Variants in GTF2A1 observed in about 807,000 individuals in gnomAD.
GTF2A1 encodes general transcription factor IIA subunit 1, also known as transcription initiation factor IIA subunit 1.
A neutral mutation model predicts 54.1 loss-of-function variants in GTF2A1; 12 were observed. That is an observed-to-expected ratio of 0.22 (90% confidence interval 0.14 to 0.36). The LOEUF (loss-of-function observed/expected upper bound fraction) is 0.36, where lower values mean the gene tolerates loss of function less well. Among genes scored for constraint, GTF2A1 ranks in the 10% least tolerant of loss-of-function variants. GTF2A1 has a pLI of 1.00. For missense variants in GTF2A1, 335 were observed against 442.2 expected (o/e 0.76, Z 2.17); for synonymous variants, 145 against 152.0 (o/e 0.95, Z 0.34).
At position 81,177,350 on chromosome 14, in the gene GTF2A1, AAATT is replaced by A. The variant is rs1595201538; in HGVS notation, c.*2869_*2872del. 1 of 152,154 alleles carries A rather than the reference AAATT, an allele frequency of 6.6e-6. No homozygotes were observed. Among genetic ancestry groups the A allele is most frequent in the African/African-American group, 2.4e-5 (1 of 41,460 alleles). 9.4% of individuals were successfully genotyped at this position (152,154 alleles called of 1,614,324 possible). On this transcript the variant is annotated 3_prime_UTR_variant, in exon 9 of 9. Transcript: ENST00000553612. ...TCACATAACAGACATTTTACTCTAG[AAATT>A]AATTGCACATTAAAGAGTTGTTTTA...
intron 2 of GTF2A1, among the ~76,000 whole-genome samples, chr14:81,205,438 T>A (rs1566858742): frequency 6.6e-6 from 1 of 152,250 alleles, no homozygotes; most frequent in Admixed American, 6.5e-5. Context: ...TAGACTTACC[T>A]GAAGTCTATT....
At chr14:81,218,793 T>TAA (rs1349002821) in intron 1 of GTF2A1, among the ~76,000 whole-genome samples, 1 of 150,792 alleles carries the variant, frequency 6.6e-6, no homozygotes, top group Non-Finnish European at 1.5e-5. Context: ...AAGTTCTACT[T>TAA]AGATTTTTTT....
rs1234888860 is a variant in GTF2A1, at chr14:81,220,673, G to A, written c.-155C>T. ...CAAAATCAATCCTGAAGGAGTAGGG[G>A]AGAGCGGAGAGAGGAGGAGGAGGGG... On this transcript the variant is annotated 5_prime_UTR_variant, in exon 1 of 9. Transcript: ENST00000553612. 6.7e-6 allele frequency: 3 copies of A among 450,470 alleles called. No individual in the cohort carries two copies. Among genetic ancestry groups the A allele is most frequent in the African/African-American group, 2.1e-5 (1 of 48,432 alleles). 27.9% of individuals were successfully genotyped at this position (450,470 alleles called of 1,614,324 possible). A position where few individuals can be genotyped will look rare whatever the true frequency, so the allele number is the denominator to read the frequency against.
chr14:81,207,705 T>G (rs1027888179), intron 2 of GTF2A1, among the ~76,000 whole-genome samples: 1 of 152,148 alleles, frequency 6.6e-6, no homozygotes, highest in African/African-American at 2.4e-5. Flanking sequence ...ATGCTGATAG[T>G]GATATGAACA....
intron 3 of GTF2A1, 80 bp from the exon 4 acceptor site, chr14:81,201,738 T>C (rs960877595): frequency 2.2e-6 from 2 of 928,440 alleles, no homozygotes; most frequent in South Asian, 2.8e-5. Context: ...CATACAATGA[T>C]GAAAACTTTT....
intron 8 of GTF2A1, among the ~76,000 whole-genome samples, chr14:81,183,285 G>A (rs961244166): frequency 2.1e-4 from 32 of 152,044 alleles, no homozygotes; most frequent in African/African-American, 5.8e-4. Context: ...TTCTACAAAC[G>A]TGTATACAAA....
At chr14:81,221,228 A>G (rs1421495679), upstream of GTF2A1, 3 of 152,274 alleles carry the variant, frequency 2.0e-5, no homozygotes, top group African/African-American at 7.2e-5. Context: ...AGAACTTGCA[A>G]AGCGTTGCTG....
At chr14:81,219,252 C>T (rs1035645627) in intron 1 of GTF2A1, among the ~76,000 whole-genome samples, 34 of 152,298 alleles carry the variant, frequency 2.2e-4, no homozygotes, top group African/African-American at 7.7e-4. Flanking sequence ...CAGCCCGCGA[C>T]GGGTGCGAAA....
At position 81,216,419 on chromosome 14, in the gene GTF2A1, T is replaced by C. The variant is rs1214225621; in HGVS notation, c.126A>G (p.Leu42=). ...DGVDEQVLME[L]KTLWENKLMQ... Reference sequence around the variant, plus strand: ...AAAAAAAAGACAAACTCACAGTTTTTAGTTCCATCAGTACTTGTTCATCCA... The same window carrying C: ...AAAAAAAAGACAAACTCACAGTTTTCAGTTCCATCAGTACTTGTTCATCCA... Residue 42 remains leucine, a synonymous_variant, in exon 2 of 9, where the codon CTA becomes CTG. Coordinates refer to ENST00000553612, the MANE Select transcript of GTF2A1 (RefSeq NM_015859.4). 1.5e-6 allele frequency: 2 copies of C among 1,334,778 alleles called. No individual in the cohort carries two copies. The highest frequency in any genetic ancestry group is 2.1e-6 in the Non-Finnish European group (2 of 933,136). 82.7% of individuals were successfully genotyped at this position (1,334,778 alleles called of 1,614,324 possible).
intron 1 of GTF2A1, among the ~76,000 whole-genome samples, chr14:81,218,649 T>C (rs1595234567): frequency 6.6e-6 from 1 of 152,082 alleles, no homozygotes; most frequent in South Asian, 2.1e-4. Context: ...AACTGGTAAA[T>C]CAGAGGGCCA....
intron 2 of GTF2A1, among the ~76,000 whole-genome samples, chr14:81,211,898 T>TATATATATATATATATAC (rs1566861054): frequency 7.1e-6 from 1 of 140,810 alleles, no homozygotes; most frequent in African/African-American, 2.7e-5. Flanking sequence ...TATATATATA[T>TATATATATATATATATAC]ATATATATAT....
At position 81,178,252 on chromosome 14, in the gene GTF2A1, G is replaced by A. The variant is rs1892567900; in HGVS notation, c.*1971C>T. ...ACTGCAGCACTGCTGAATTTTTATAGGTAGTTCAGGTCACTGACTTCCTTA... is the reference window on the plus strand; with the variant it reads ...ACTGCAGCACTGCTGAATTTTTATAAGTAGTTCAGGTCACTGACTTCCTTA... On this transcript the variant is annotated 3_prime_UTR_variant, in exon 9 of 9. Coordinates refer to ENST00000553612, the MANE Select transcript of GTF2A1 (RefSeq NM_015859.4). 6.6e-6 allele frequency: 1 copy of A among 151,892 alleles called. No individual in the cohort carries two copies. Among genetic ancestry groups the A allele is most frequent in the South Asian group, 2.1e-4 (1 of 4,816 alleles). 9.4% of individuals were successfully genotyped at this position (151,892 alleles called of 1,614,324 possible).
Position 81,202,559 on chromosome 14 carries a change from A to G in GTF2A1, c.338-901T>C, listed in dbSNP as rs1446802590. 3 of 445,016 alleles carry G rather than the reference A, an allele frequency of 6.7e-6. No homozygotes were observed. In the East Asian group the frequency reaches 1.8e-4, roughly 26 times the overall value. The allele number at this position is 445,016 out of a possible 1,614,324, so 27.6% of individuals were successfully genotyped here. ...ATGTGCTATGCTGATCAGGTGTCCAAATAAGTTCGGCATCAATATGGTGGC... is the reference window on the plus strand; with the variant it reads ...ATGTGCTATGCTGATCAGGTGTCCAGATAAGTTCGGCATCAATATGGTGGC... On this transcript the variant is annotated intron_variant, in intron 3 of 8. Coordinates refer to ENST00000553612, the MANE Select transcript of GTF2A1 (RefSeq NM_015859.4).
chr14:81,212,686 T>C (rs958434895), intron 2 of GTF2A1, among the ~76,000 whole-genome samples: 3 of 152,218 alleles, frequency 2.0e-5, no homozygotes, highest in Non-Finnish European at 4.4e-5. Context: ...CCATAAAATA[T>C]GAAATTAAAG....
chr14:81,175,766 C>A lies in GTF2A1; in HGVS notation c.*4457G>T, dbSNP rs1595200392. The A allele has an allele frequency of 6.6e-6, 1 of 152,162 alleles. No individual in the cohort carries two copies. Among genetic ancestry groups the A allele is most frequent in the East Asian group, 1.9e-4 (1 of 5,184 alleles). 9.4% of individuals were successfully genotyped at this position (152,162 alleles called of 1,614,324 possible). The stretch of plus-strand genomic sequence containing the variant: ...ATGTTTTTATCCTAAGTAATCTATA[C>A]TTTGGAGTAGAAATACTTATTTAAT... On this transcript the variant is annotated 3_prime_UTR_variant, in exon 9 of 9. Transcript: ENST00000553612.
chr14:81,200,243 C>T (rs1315136258), intron 4 of GTF2A1, among the ~76,000 whole-genome samples: 3 of 152,124 alleles, frequency 2.0e-5, no homozygotes, highest in African/African-American at 7.2e-5. Flanking sequence ...CCCTTCTTAT[C>T]TGGCTTATAA....
rs1180079384 is a variant in GTF2A1, at chr14:81,211,873, CTTTATATATATATA to C, written c.132+4526_132+4539del. ...ACACATAATTAGAGTGTATCAAGTA[CTTTATATATATATA>C]TATATATATATATATATATATAACT... On this transcript the variant is annotated intron_variant, in intron 2 of 8. Coordinates refer to ENST00000553612, the MANE Select transcript of GTF2A1 (RefSeq NM_015859.4). Among the ~76,000 whole-genome samples, 55 of 99,242 alleles carry C rather than the reference CTTTATATATATATA, an allele frequency of 5.5e-4. 5 individuals are homozygous for C. The highest frequency in any genetic ancestry group is 4.3e-3 in the Middle Eastern group (1 of 230). The allele number at this position is 99,242 out of a possible 152,430, so 65.1% of individuals were successfully genotyped here. A position where few individuals can be genotyped will look rare whatever the true frequency, so the allele number is the denominator to read the frequency against.
chr14:81,196,556 G>A lies in GTF2A1; in HGVS notation c.479-315C>T, dbSNP rs185131755. On this transcript the variant is annotated intron_variant, in intron 5 of 8. Transcript: ENST00000553612. Reference sequence around the variant, plus strand: ...CATTATCTTTGCTAACCTTAGGAGTGAAGAAAGAGCAGTAAGATCAGACAC... The same window carrying A: ...CATTATCTTTGCTAACCTTAGGAGTAAAGAAAGAGCAGTAAGATCAGACAC... 1.4e-3 allele frequency among the ~76,000 whole-genome samples: 212 copies of A among 152,302 alleles called. 1 individual carries two copies. The highest frequency in any genetic ancestry group is 7.9e-4 in the Non-Finnish European group (54 of 68,026).
chr14:81,190,346 G>T (rs1014450421), intron 7 of GTF2A1, among the ~76,000 whole-genome samples: 7 of 150,558 alleles, frequency 4.6e-5, no homozygotes, highest in African/African-American at 1.7e-4. Flanking sequence ...TGAAAACCTT[G>T]TAAGAAGAGT....
Sources: allele counts gnomAD v4.1 joint callset (sites outside exome capture counted in the v4.1 genomes callset), GRCh38; gene constraint gnomAD v4.1.1; transcripts MANE v1.5; gene names NCBI Gene and HGNC (gene_info 2026-07-23, HGNC 2026-07-21).